PRSS23: variants seen among roughly 807,000 people sequenced by gnomAD.
The protein encoded by PRSS23 is protease, serine 23.
PRSS23 carries 25 observed loss-of-function variants against 34.7 expected under a neutral mutation model. That is an observed-to-expected ratio of 0.72 (90% CI 0.53 to 1.01). PRSS23 has a LOEUF of 1.01. Among genes scored for constraint, PRSS23 ranks in the 50% least tolerant of loss-of-function variants. The pLI is 0.00. For synonymous variants in PRSS23, 176 were observed against 186.6 expected, an observed-to-expected ratio of 0.94 and a Z score of 0.46; for missense variants, 445 against 475.6, an observed-to-expected ratio of 0.94 and a Z score of 0.60.
chr11:86,925,888 C>A (rs958163172), intron 2 of PRSS23, among the ~76,000 whole-genome samples: 1 of 152,166 alleles, frequency 6.6e-6, no homozygotes, highest in Non-Finnish European at 1.5e-5. Context: ...GGCTGTTTGA[C>A]CTTCAAGTAG....
chr11:86,820,087 T>C (rs1364626572), intron 1 of PRSS23, among the ~76,000 whole-genome samples: 2 of 152,212 alleles, frequency 1.3e-5, no homozygotes, highest in African/African-American at 2.4e-5. Flanking sequence ...CCCACGTGCA[T>C]GTAATTCAAA....
intron 2 of PRSS23, among the ~76,000 whole-genome samples, chr11:86,879,608 C>T (rs1402964968): frequency 1.4e-5 from 2 of 139,442 alleles, no homozygotes; most frequent in Non-Finnish European, 3.2e-5. Flanking sequence ...CGCCTCTGCC[C>T]GGCCGCCCCT....
chr11:86,900,781 C>CTCTCTCTTTTTTTT (rs775258446), intron 2 of PRSS23, among the ~76,000 whole-genome samples: 40 of 94,020 alleles, frequency 4.3e-4, no homozygotes, highest in Non-Finnish European at 5.9e-4. Flanking sequence ...ATCTCTCTCT[C>CTCTCTCTTTTTTTT]TTTTTTTTTT....
chr11:86,833,663 C>T (rs1948379204), intron 2 of PRSS23, among the ~76,000 whole-genome samples: 1 of 152,050 alleles, frequency 6.6e-6, no homozygotes, highest in Admixed American at 6.6e-5. Context: ...CCTGTTTTTG[C>T]CTAATTAGCA....
At chr11:86,916,429 G>C (rs892514338) in intron 2 of PRSS23, among the ~76,000 whole-genome samples, 1 of 152,122 alleles carries the variant, frequency 6.6e-6, no homozygotes, top group African/African-American at 2.4e-5. Context: ...TGGGAAAATG[G>C]CAACAATCCA....
At position 86,932,328 on chromosome 11, in the gene PRSS23, A is replaced by AT. The variant is rs530221566; in HGVS notation, c.207-18881dup. 6.3e-4 allele frequency among the ~76,000 whole-genome samples: 96 copies of AT among 152,260 alleles called. 1 individual carries two copies. The highest frequency in any genetic ancestry group is 2.3e-3 in the African/African-American group (94 of 41,556). On this transcript the variant is annotated intron_variant, in intron 2 of 2. Transcript: ENST00000533902. ...GCTGCTAGACTGGAGTCTTGAATTT[A>AT]TTTTTTTGTATAATTAGGGTTTGAA...
intron 2 of PRSS23, among the ~76,000 whole-genome samples, chr11:86,828,995 G>T (rs1000919791): frequency 3.9e-5 from 6 of 152,156 alleles, no homozygotes; most frequent in Admixed American, 6.5e-5. Flanking sequence ...TTCTCGAGGA[G>T]TATCTTTGTG....
At chr11:86,863,428 C>T (rs1379448671) in intron 2 of PRSS23, among the ~76,000 whole-genome samples, 3 of 152,068 alleles carry the variant, frequency 2.0e-5, no homozygotes, top group African/African-American at 7.3e-5. Flanking sequence ...CAGGAAATGC[C>T]CCAGGTGCTC....
intron 2 of PRSS23, chr11:86,935,565 T>C (rs1181335297): frequency 6.6e-6 from 1 of 152,214 alleles, no homozygotes; most frequent in Non-Finnish European, 1.5e-5. Context: ...AAATCATTGT[T>C]GCATTGTTGT....
chr11:86,829,969 C>T (rs1369677230), intron 2 of PRSS23, among the ~76,000 whole-genome samples: 4 of 152,206 alleles, frequency 2.6e-5, no homozygotes, highest in South Asian at 4.1e-4. Context: ...GGCAGTCTGC[C>T]CGTCCTCAGA....
intron 2 of PRSS23, among the ~76,000 whole-genome samples, chr11:86,854,652 G>GC (rs1465263882): frequency 6.6e-6 from 1 of 152,154 alleles, no homozygotes; most frequent in Non-Finnish European, 1.5e-5. Flanking sequence ...TAGCTCTTGG[G>GC]CGTAAGTCTT....
chr11:86,947,942 C>T (rs1949257435), intron 2 of PRSS23: 1 of 152,242 alleles, frequency 6.6e-6, no homozygotes, highest in Admixed American at 6.5e-5. Context: ...TTTTCTCTAG[C>T]AAGATGCTGT....
At chr11:86,867,874 C>CAAA (rs11352878) in intron 2 of PRSS23, among the ~76,000 whole-genome samples, 2,274 of 118,272 alleles carry the variant, frequency 0.019, 47 homozygotes, top group Middle Eastern at 0.047. Flanking sequence ...GACCCTACCT[C>CAAA]AAAAAAAAAA....
At chr11:86,921,476 C>T (rs1456930496) in intron 2 of PRSS23, 2 of 152,314 alleles carry the variant, frequency 1.3e-5, no homozygotes, top group South Asian at 2.1e-4. Flanking sequence ...ATTATTCACT[C>T]AATCCAGTTC....
intron 2 of PRSS23, among the ~76,000 whole-genome samples, chr11:86,928,498 AC>A (rs1447112660): frequency 1.4e-5 from 2 of 147,072 alleles, no homozygotes; most frequent in Non-Finnish European, 3.0e-5. Context: ...ACACAGTAAA[AC>A]CCCATCTCTA....
chr11:86,804,991 G>C (rs1948082823), intron 1 of PRSS23, among the ~76,000 whole-genome samples: 1 of 152,154 alleles, frequency 6.6e-6, no homozygotes, highest in Non-Finnish European at 1.5e-5. Flanking sequence ...TCCGCATTCT[G>C]TGTTTTCTTT....
At chr11:86,923,151 G>A (rs975988395) in intron 2 of PRSS23, among the ~76,000 whole-genome samples, 1 of 143,690 alleles carries the variant, frequency 7.0e-6, no homozygotes, top group African/African-American at 2.6e-5. Context: ...TTTTTGAGAC[G>A]GGGTCTCTGT....
chr11:86,939,076 G>A (rs1342506924), intron 2 of PRSS23: 2 of 443,316 alleles, frequency 4.5e-6, no homozygotes, highest in Non-Finnish European at 9.0e-6. Flanking sequence ...TAGGAGGTGG[G>A]CAGGCTCTGA....
At chr11:86,951,351 C>A in exon 3 of PRSS23, 2 of 1,613,716 alleles carry the variant, frequency 1.2e-6, no homozygotes, top group South Asian at 2.2e-5. Flanking sequence ...GAATCATCTG[C>A]AGAATACCGA....
Sources: gnomAD v4.1 joint callset for allele counts (sites outside exome capture counted in the v4.1 genomes callset) on GRCh38, gnomAD v4.1.1 for gene constraint, MANE v1.5 for transcripts, NCBI Gene and HGNC (gene_info 2026-07-23, HGNC 2026-07-21) for gene names.